GALNT16: variants seen among roughly 807,000 people sequenced by gnomAD.
GALNT16 encodes the protein UDP-GalNAc:polypeptide N-acetylgalactosaminyltransferase-like protein 1.
In GALNT16, 40 loss-of-function variants were observed where a neutral mutation model predicts 76.1. The ratio of observed to expected loss-of-function variants is 0.53; its 90% CI spans 0.41 to 0.68. The LOEUF (loss-of-function observed/expected upper bound fraction) is 0.68, where lower values mean the gene tolerates loss of function less well. GALNT16 is among the 30% of genes least tolerant of loss of function. The pLI is 0.00. For synonymous variants in GALNT16, 276 were observed against 285.2 expected (o/e 0.97, Z 0.32); for missense variants, 621 against 731.9 (o/e 0.85, Z 1.75).
intron 5 of GALNT16, among the ~76,000 whole-genome samples, chr14:69,327,823 G>A (rs1013410525): frequency 6.6e-6 from 1 of 152,202 alleles, no homozygotes; most frequent in Non-Finnish European, 1.5e-5. Flanking sequence ...AAATGAGGCT[G>A]GTGAGGCTAT....
the GALNT16 span, among the ~76,000 whole-genome samples, chr14:69,369,781 G>A: frequency 1.3e-5 from 2 of 152,214 alleles, no homozygotes; most frequent in Non-Finnish European, 2.9e-5. Flanking sequence ...GCTGTCAACT[G>A]TCAGCTTAAT....
At chr14:69,301,800 G>T (rs1239108404) in intron 1 of GALNT16, among the ~76,000 whole-genome samples, 1 of 152,088 alleles carries the variant, frequency 6.6e-6, no homozygotes, top group African/African-American at 2.4e-5. Context: ...ACCAGCCTGG[G>T]CAACATGGTG....
the GALNT16 span, among the ~76,000 whole-genome samples, chr14:69,362,629 A>AC: frequency 6.6e-6 from 1 of 152,222 alleles, no homozygotes. Context: ...CCTGAGCCTC[A>AC]CTGTTCTCAA....
At chr14:69,363,178 C>A in the GALNT16 span, among the ~76,000 whole-genome samples, 4 of 152,178 alleles carry the variant, frequency 2.6e-5, no homozygotes, top group Non-Finnish European at 4.4e-5. Context: ...ATGCAGGCTG[C>A]GGAGACAGTC....
At chr14:69,312,385 C>A (rs2045040386) in intron 1 of GALNT16, among the ~76,000 whole-genome samples, 1 of 152,222 alleles carries the variant, frequency 6.6e-6, no homozygotes, top group East Asian at 1.9e-4. Context: ...GTGGCACCGA[C>A]CTGGACCCCA....
upstream of GALNT16, chr14:69,260,097 G>A: frequency 1.9e-6 from 1 of 517,636 alleles, no homozygotes. Flanking sequence ...AGGGCATTAG[G>A]ACCGTGAGGA....
chr14:69,306,254 A>T (rs1370119351), intron 1 of GALNT16, among the ~76,000 whole-genome samples: 1 of 152,146 alleles, frequency 6.6e-6, no homozygotes, highest in South Asian at 2.1e-4. Context: ...TTATATAATA[A>T]CTTACTGAGC....
intron 2 of GALNT16, 71 bp downstream of exon 2, chr14:69,320,939 T>C: frequency 7.1e-7 from 1 of 1,408,358 alleles, no homozygotes; most frequent in South Asian, 1.2e-5. Flanking sequence ...TTTGTCTTCT[T>C]TTACGTGTAT....
At chr14:69,290,286 A>G (rs952875803) in intron 1 of GALNT16, among the ~76,000 whole-genome samples, 1 of 152,188 alleles carries the variant, frequency 6.6e-6, no homozygotes, top group Admixed American at 6.5e-5. Flanking sequence ...GTTTTACCGA[A>G]TATGGTGTTC....
At chr14:69,296,619 G>T (rs1424220872) in intron 1 of GALNT16, among the ~76,000 whole-genome samples, 3 of 150,676 alleles carry the variant, frequency 2.0e-5, no homozygotes, top group Non-Finnish European at 3.0e-5. Context: ...CTTGGACCTG[G>T]GAGGCAGAGG....
chr14:69,291,489 G>A (rs1301004966), intron 1 of GALNT16, among the ~76,000 whole-genome samples: 1 of 152,126 alleles, frequency 6.6e-6, no homozygotes, highest in Non-Finnish European at 1.5e-5. Context: ...AACCCAGTGA[G>A]GTCAGGGTCC....
At chr14:69,366,822 T>C in the GALNT16 span, among the ~76,000 whole-genome samples, 25 of 152,196 alleles carry the variant, frequency 1.6e-4, no homozygotes, top group Admixed American at 2.6e-4. Context: ...GCACTGGGGA[T>C]TCCAATGTGA....
At chr14:69,319,012 T>C (rs188569262) in intron 1 of GALNT16, among the ~76,000 whole-genome samples, 8 of 152,376 alleles carry the variant, frequency 5.3e-5, no homozygotes, top group African/African-American at 1.4e-4. Flanking sequence ...TTGAGTTCAC[T>C]GGGGGCTCCG....
At chr14:69,262,299 G>GC (rs1159321220) in intron 1 of GALNT16, among the ~76,000 whole-genome samples, 1 of 152,202 alleles carries the variant, frequency 6.6e-6, no homozygotes, top group African/African-American at 2.4e-5. Flanking sequence ...CCCTGACCTG[G>GC]CCCATGCACC....
At chr14:69,292,263 A>T (rs2044695609) in intron 1 of GALNT16, among the ~76,000 whole-genome samples, 1 of 152,268 alleles carries the variant, frequency 6.6e-6, no homozygotes, top group Non-Finnish European at 1.5e-5. Context: ...CGGGACTCCC[A>T]TCCAGGTTGC....
chr14:69,294,199 GCAACCTCCACC>G (rs928595743), intron 1 of GALNT16, among the ~76,000 whole-genome samples: 1 of 152,124 alleles, frequency 6.6e-6, no homozygotes, highest in African/African-American at 2.4e-5. Context: ...TCGGCTCACT[GCAACCTCCACC>G]CCCTGGGTTC....
intron 12 of GALNT16, among the ~76,000 whole-genome samples, chr14:69,343,016 G>T (rs2045515124): frequency 6.6e-6 from 1 of 152,210 alleles, no homozygotes; most frequent in South Asian, 2.1e-4. Context: ...TGGAGGCTTT[G>T]ATCTGTTTGT....
chr14:69,383,761 A>G, the GALNT16 span, among the ~76,000 whole-genome samples: 2 of 152,232 alleles, frequency 1.3e-5, no homozygotes, highest in East Asian at 3.8e-4. Context: ...TCTAGGTAAT[A>G]ATTAAAGCTT....
At chr14:69,323,241 C>T (rs2045229572) in intron 2 of GALNT16, among the ~76,000 whole-genome samples, 1 of 152,192 alleles carries the variant, frequency 6.6e-6, no homozygotes, top group Non-Finnish European at 1.5e-5. Context: ...AGAGAAAACC[C>T]CATCAGCTCC....
Sources: gnomAD v4.1 joint callset for allele counts (sites outside exome capture counted in the v4.1 genomes callset) on GRCh38, gnomAD v4.1.1 for gene constraint, MANE v1.5 for transcripts, NCBI Gene and HGNC (gene_info 2026-07-23, HGNC 2026-07-21) for gene names.